Variants in CTNNA2 observed in about 807,000 individuals in gnomAD.
CTNNA2 encodes catenin alpha 2, also known as catenin alpha-2.
CTNNA2 carries 42 observed loss-of-function variants against 101.0 expected under a neutral mutation model. That is an observed-to-expected ratio of 0.42 (90% CI 0.32 to 0.54). The LOEUF is 0.54. Ranked by LOEUF, CTNNA2 falls within the 20% of genes least tolerant of loss-of-function variation. The probability of loss-of-function intolerance (pLI) is 0.14; values close to 1 mark genes in which losing one functional copy is unlikely to be tolerated. For missense variants in CTNNA2, 871 were observed against 1,223.1 expected (o/e 0.71, Z 4.29); for synonymous variants, 450 against 456.4 (o/e 0.99, Z 0.18).
intron 4 of CTNNA2, among the ~76,000 whole-genome samples, chr2:79,484,545 A>G (rs1020957333): frequency 6.6e-6 from 1 of 152,166 alleles, no homozygotes; most frequent in Non-Finnish European, 1.5e-5. Flanking sequence ...TGGTTTCAAC[A>G]TGGTTGGTCT....
At chr2:79,899,141 T>G (rs540087122) in intron 6 of CTNNA2, among the ~76,000 whole-genome samples, 1 of 152,230 alleles carries the variant, frequency 6.6e-6, no homozygotes, top group South Asian at 2.1e-4. Context: ...GTCAAGAATG[T>G]AGAACGTTCC....
intron 3 of CTNNA2, among the ~76,000 whole-genome samples, chr2:79,788,893 A>G (rs372499917): frequency 1.3e-5 from 2 of 152,310 alleles, no homozygotes; most frequent in Non-Finnish European, 1.5e-5. Context: ...CAATTGGAAA[A>G]AATAAATCCT....
chr2:79,636,911 A>G (rs1036127721), intron 1 of CTNNA2: 1 of 152,214 alleles, frequency 6.6e-6, no homozygotes, highest in South Asian at 2.1e-4. Context: ...CCCCGAGACC[A>G]TGATAATCTT....
intron 7 of CTNNA2, among the ~76,000 whole-genome samples, chr2:80,068,425 G>T (rs1436333008): frequency 6.6e-6 from 1 of 152,170 alleles, no homozygotes; most frequent in Admixed American, 6.5e-5. Flanking sequence ...TGCTGAAAAT[G>T]GAGTTGAATT....
chr2:79,906,170 T>C (rs959519684), intron 6 of CTNNA2, among the ~76,000 whole-genome samples: 5 of 152,180 alleles, frequency 3.3e-5, no homozygotes, highest in South Asian at 2.1e-4. Flanking sequence ...CACCCATGCA[T>C]ACATACTGTA....
chr2:79,907,759 T>C (rs766286764), intron 6 of CTNNA2, among the ~76,000 whole-genome samples: 4 of 152,242 alleles, frequency 2.6e-5, no homozygotes, highest in Non-Finnish European at 5.9e-5. Flanking sequence ...AGCTGTCTTA[T>C]CTGCAAGATT....
chr2:79,475,341 T>C (rs1481894007), intron 4 of CTNNA2, among the ~76,000 whole-genome samples: 1 of 152,190 alleles, frequency 6.6e-6, no homozygotes, highest in Non-Finnish European at 1.5e-5. Flanking sequence ...TTTTCCCCTT[T>C]GTTCTGGGTA....
At chr2:79,314,200 A>G (rs1472229925) in intron 3 of CTNNA2, among the ~76,000 whole-genome samples, 2 of 152,126 alleles carry the variant, frequency 1.3e-5, no homozygotes, top group Non-Finnish European at 2.9e-5. Context: ...TTTCAGGCCC[A>G]AGGGATCTCA....
chr2:80,295,309 C>T (rs1250423524), intron 7 of CTNNA2, among the ~76,000 whole-genome samples: 2 of 151,750 alleles, frequency 1.3e-5, no homozygotes, highest in African/African-American at 4.8e-5. Flanking sequence ...TGTGTGTGTC[C>T]TCTCTAGGAT....
At chr2:79,823,903 A>C (rs1278990738) in intron 3 of CTNNA2, among the ~76,000 whole-genome samples, 1 of 152,208 alleles carries the variant, frequency 6.6e-6, no homozygotes, top group Non-Finnish European at 1.5e-5. Context: ...GGAGAGATTG[A>C]AGAAGTGTGT....
intron 1 of CTNNA2, among the ~76,000 whole-genome samples, chr2:79,543,670 T>C (rs1248465781): frequency 1.3e-5 from 2 of 152,134 alleles, no homozygotes; most frequent in African/African-American, 4.8e-5. Context: ...GATGATTATA[T>C]ATGAAAATAT....
intron 7 of CTNNA2, among the ~76,000 whole-genome samples, chr2:80,277,519 C>T (rs1211554591): frequency 3.5e-5 from 4 of 113,170 alleles, no homozygotes; most frequent in Non-Finnish European, 5.1e-5. Context: ...AAAAAGAGCT[C>T]AGTGGGGAAG....
chr2:79,286,995 T>C (rs908295218), intron 2 of CTNNA2, among the ~76,000 whole-genome samples: 2 of 152,218 alleles, frequency 1.3e-5, no homozygotes. Flanking sequence ...TCTTGCTTCA[T>C]TTCATTCATT....
intron 2 of CTNNA2, chr2:79,687,593 A>G (rs1421734014): frequency 4.2e-6 from 3 of 706,922 alleles, no homozygotes; most frequent in Non-Finnish European, 7.9e-6. Context: ...GATATTTCAA[A>G]TGAAAATCAC....
chr2:80,026,472 T>G (rs951492048), intron 7 of CTNNA2, among the ~76,000 whole-genome samples: 4 of 152,198 alleles, frequency 2.6e-5, no homozygotes, highest in Non-Finnish European at 5.9e-5. Context: ...TTGGTACTGC[T>G]GGACAGTTTT....
chr2:79,626,255 G>T (rs1387844069), intron 1 of CTNNA2, among the ~76,000 whole-genome samples: 1 of 152,146 alleles, frequency 6.6e-6, no homozygotes, highest in African/African-American at 2.4e-5. Flanking sequence ...AGATGCAGAA[G>T]GCACAACCAG....
chr2:80,179,969 A>G (rs1277190756), intron 7 of CTNNA2, among the ~76,000 whole-genome samples: 1 of 152,142 alleles, frequency 6.6e-6, no homozygotes, highest in Non-Finnish European at 1.5e-5. Context: ...ACCTGAGCTA[A>G]AACTTCATTA....
intron 2 of CTNNA2, among the ~76,000 whole-genome samples, chr2:79,223,445 T>C (rs557779373): frequency 1.3e-5 from 2 of 152,346 alleles, no homozygotes; most frequent in African/African-American, 4.8e-5. Context: ...GGGTACATTG[T>C]GAACTCTTCC....
chr2:79,820,460 A>G (rs925440359), intron 3 of CTNNA2, among the ~76,000 whole-genome samples: 1 of 152,202 alleles, frequency 6.6e-6, no homozygotes, highest in African/African-American at 2.4e-5. Flanking sequence ...GTAGATTTCC[A>G]AGTTGGCTGA....
Sources: allele counts gnomAD v4.1 joint callset (sites outside exome capture counted in the v4.1 genomes callset), GRCh38; gene constraint gnomAD v4.1.1; transcripts MANE v1.5; gene names NCBI Gene and HGNC (gene_info 2026-07-23, HGNC 2026-07-21).